The following EXOC5 variants were observed in gnomAD, a reference collection of about 807,000 sequenced individuals.
The protein encoded by EXOC5 is SEC10-like 1.
EXOC5 carries 17 observed loss-of-function variants against 90.8 expected under a neutral mutation model. That is an observed-to-expected ratio of 0.19 (90% CI 0.13 to 0.28). EXOC5 has a LOEUF of 0.28. EXOC5 is among the 10% of genes least tolerant of loss of function. EXOC5 has a pLI of 1.00. For missense variants in EXOC5, 569 were observed against 830.6 expected, an observed-to-expected ratio of 0.69 and a Z score of 3.87; for synonymous variants, 260 against 270.0, an observed-to-expected ratio of 0.96 and a Z score of 0.36.
At chr14:57,257,039 T>C (rs1884367520) in intron 1 of EXOC5, among the ~76,000 whole-genome samples, 1 of 152,110 alleles carries the variant, frequency 6.6e-6, no homozygotes, top group Admixed American at 6.6e-5. Context: ...TGCAACACCT[T>C]AGTAGTCCAG....
chr14:57,237,549 G>A, intron 5 of EXOC5, 183 bp from the exon 6 acceptor site: 2 of 478,346 alleles, frequency 4.2e-6, no homozygotes, highest in Non-Finnish European at 7.5e-6. Context: ...AAAGAAAAAA[G>A]ACAAAATCAG....
At chr14:57,225,035 C>A (rs1276521694) in intron 12 of EXOC5, among the ~76,000 whole-genome samples, 1 of 152,032 alleles carries the variant, frequency 6.6e-6, no homozygotes, top group Non-Finnish European at 1.5e-5. Flanking sequence ...GCACTCCAGC[C>A]TGGGCGTCAG....
intron 15 of EXOC5, among the ~76,000 whole-genome samples, chr14:57,214,041 C>A (rs2139611478): frequency 6.6e-6 from 1 of 152,256 alleles, no homozygotes; most frequent in South Asian, 2.1e-4. Flanking sequence ...TCAGGGGTAT[C>A]TGTAGGCCTT....
chr14:57,246,086 C>T (rs1018884470), intron 3 of EXOC5, among the ~76,000 whole-genome samples: 2 of 151,814 alleles, frequency 1.3e-5, no homozygotes, highest in African/African-American at 4.8e-5. Flanking sequence ...CAGATAAGGC[C>T]CAGCCTGTGA....
Position 57,222,520 on chromosome 14 carries a change from G to T in EXOC5, c.1297-104C>A, listed in dbSNP as rs1404553259. 7.1e-6 allele frequency: 4 copies of T among 560,678 alleles called. No individual in the cohort carries two copies. In the Admixed American group the frequency reaches 1.4e-4, roughly 19 times the overall value. The allele number at this position is 560,678 out of a possible 1,614,324, so 34.7% of individuals were successfully genotyped here. ...TTTATAGGATGTAGTCAGTGTTTCA[G>T]GTATGAAAATAACTCACAGCTCCCC... On this transcript the variant is annotated intron_variant, in intron 12 of 17. Transcript: ENST00000621441.
At position 57,231,359 on chromosome 14, in the gene EXOC5, A is replaced by G. The variant is rs891256674; in HGVS notation, c.1148+147T>C. ...TCATTTCAACATGTGGTTTAAGAAC[A>G]AGATTTGATCAATAATATAACAATC... is the stretch of plus-strand genomic sequence containing the variant. On this transcript the variant is annotated intron_variant, in intron 11 of 17. Coordinates refer to ENST00000621441, the MANE Select transcript of EXOC5 (RefSeq NM_006544.4). 6.5e-6 allele frequency: 4 copies of G among 617,946 alleles called. No homozygotes were observed. In the Admixed American group the frequency reaches 9.6e-5, roughly 15 times the overall value. The allele number at this position is 617,946 out of a possible 1,614,324, so 38.3% of individuals were successfully genotyped here.
At chr14:57,246,883 T>A in intron 2 of EXOC5, 25 bp from the exon 3 acceptor site, 1 of 1,390,382 alleles carries the variant, frequency 7.2e-7, no homozygotes, top group Non-Finnish European at 1.0e-6. Flanking sequence ...TTTGAATATG[T>A]ATCAATCTAC....
At chr14:57,211,436 A>G (rs769910031) in intron 15 of EXOC5, among the ~76,000 whole-genome samples, 31 of 152,082 alleles carry the variant, frequency 2.0e-4, no homozygotes, top group Non-Finnish European at 3.7e-4. Context: ...CAAAGTCACC[A>G]CCTTGTTCAT....
At chr14:57,238,402 ACACACACATATT>A (rs1431203607) in intron 5 of EXOC5, among the ~76,000 whole-genome samples, 1 of 149,216 alleles carries the variant, frequency 6.7e-6, no homozygotes, top group African/African-American at 2.4e-5. Context: ...ACACACACAC[ACACACACATATT>A]CATATTCATA....
At chr14:57,247,825 G>T in intron 1 of EXOC5, 113 bp from the exon 2 acceptor site, 1 of 495,598 alleles carries the variant, frequency 2.0e-6, no homozygotes, top group Non-Finnish European at 3.6e-6. Flanking sequence ...ATTACTAATT[G>T]TTTAAATACA....
intron 15 of EXOC5, among the ~76,000 whole-genome samples, chr14:57,214,570 G>C (rs1397725660): frequency 6.6e-6 from 1 of 152,096 alleles, no homozygotes; most frequent in Non-Finnish European, 1.5e-5. Flanking sequence ...CAGAAGGATG[G>C]ATAAGCGGTA....
intron 5 of EXOC5, among the ~76,000 whole-genome samples, chr14:57,238,210 C>T (rs893542093): frequency 8.7e-6 from 1 of 114,464 alleles, no homozygotes; most frequent in Non-Finnish European, 1.7e-5. Context: ...ATATATTCAA[C>T]TCCACATATA....
At chr14:57,229,251 A>G (rs1257416306) in intron 12 of EXOC5, among the ~76,000 whole-genome samples, 2 of 152,186 alleles carry the variant, frequency 1.3e-5, no homozygotes, top group African/African-American at 4.8e-5. Context: ...TAAAAATCCT[A>G]TCTTTTATTA....
At chr14:57,257,613 C>G (rs185567733) in intron 1 of EXOC5, among the ~76,000 whole-genome samples, 13 of 152,174 alleles carry the variant, frequency 8.5e-5, no homozygotes, top group Admixed American at 8.5e-4. Flanking sequence ...GACAAATTAT[C>G]ACAAGGGTTT....
intron 1 of EXOC5, among the ~76,000 whole-genome samples, chr14:57,263,739 TAA>T (rs550651836): frequency 5.6e-4 from 22 of 39,366 alleles, no homozygotes; most frequent in Admixed American, 8.5e-4. Context: ...CACTCCAGCC[TAA>T]AAAAAAAAAA....
chr14:57,218,475 A>C (rs1883034756), intron 14 of EXOC5, among the ~76,000 whole-genome samples: 1 of 152,108 alleles, frequency 6.6e-6, no homozygotes, highest in Non-Finnish European at 1.5e-5. Flanking sequence ...AAATCATACT[A>C]TAAAATTTGG....
At chr14:57,232,772 C>G in intron 9 of EXOC5, 23 bp from the exon 10 acceptor site, 1 of 1,095,918 alleles carries the variant, frequency 9.1e-7, no homozygotes, top group Non-Finnish European at 1.4e-6. Flanking sequence ...GGTTAACATT[C>G]TGTTAATTAG....
At chr14:57,264,043 T>C (rs1041218608) in intron 1 of EXOC5, among the ~76,000 whole-genome samples, 1 of 152,202 alleles carries the variant, frequency 6.6e-6, no homozygotes, top group African/African-American at 2.4e-5. Flanking sequence ...TGTATTAATG[T>C]ATTAACATGT....
intron 1 of EXOC5, among the ~76,000 whole-genome samples, chr14:57,265,824 C>T (rs1302033348): frequency 1.3e-5 from 2 of 152,136 alleles, no homozygotes; most frequent in Non-Finnish European, 2.9e-5. Flanking sequence ...AATGTCTATC[C>T]TGAGGAGATT....
Sources: allele counts gnomAD v4.1 joint callset (sites outside exome capture counted in the v4.1 genomes callset), GRCh38; gene constraint gnomAD v4.1.1; transcripts MANE v1.5; gene names NCBI Gene and HGNC (gene_info 2026-07-23, HGNC 2026-07-21).